The following EXOC4 variants were observed in gnomAD, a reference collection of about 807,000 sequenced individuals.
The protein encoded by EXOC4 is exocyst complex component 4.
Under a neutral mutation model 107.2 loss-of-function variants are expected in EXOC4, and 71 were observed. The observed-to-expected ratio is 0.66, with a 90% CI of 0.55 to 0.81. EXOC4 has a LOEUF of 0.81. Among genes scored for constraint, EXOC4 ranks in the 30% least tolerant of loss-of-function variants. EXOC4 has a pLI of 0.00. For missense variants in EXOC4, 1,108 were observed against 1,189.6 expected (o/e 0.93, Z 1.01); for synonymous variants, 456 against 441.2 (o/e 1.03, Z -0.42).
intron 10 of EXOC4, among the ~76,000 whole-genome samples, chr7:133,654,599 T>C (rs188354776): frequency 6.6e-6 from 1 of 152,244 alleles, no homozygotes; most frequent in East Asian, 1.9e-4. Context: ...GGTATGGTTG[T>C]ATTATCTGCT....
At chr7:133,363,623 AAAAAAAC>A (rs1351584021) in intron 6 of EXOC4, among the ~76,000 whole-genome samples, 1 of 151,930 alleles carries the variant, frequency 6.6e-6, no homozygotes, top group Non-Finnish European at 1.5e-5. Context: ...AAAAAAAAAA[AAAAAAAC>A]CTACTCTCGA....
At chr7:133,861,353 T>G (rs561382449) in intron 11 of EXOC4, among the ~76,000 whole-genome samples, 2 of 152,266 alleles carry the variant, frequency 1.3e-5, no homozygotes, top group African/African-American at 4.8e-5. Context: ...ACCAAACCCC[T>G]GTGACATGCA....
intron 9 of EXOC4, among the ~76,000 whole-genome samples, chr7:133,571,859 A>G (rs1801030758): frequency 6.6e-6 from 1 of 152,190 alleles, no homozygotes; most frequent in South Asian, 2.1e-4. Flanking sequence ...GAAAGCTGCA[A>G]TAATTTTGTT....
intron 14 of EXOC4, among the ~76,000 whole-genome samples, chr7:133,956,892 T>C: frequency 6.6e-6 from 1 of 152,220 alleles, no homozygotes; most frequent in Middle Eastern, 3.2e-3. Context: ...AAAAAAGATA[T>C]TTATAATTAA....
At chr7:134,069,546 G>A (rs1349643480), downstream of EXOC4, among the ~76,000 whole-genome samples, 1 of 152,048 alleles carries the variant, frequency 6.6e-6, no homozygotes, top group Admixed American at 6.6e-5. Flanking sequence ...TGCCCCGGCT[G>A]GAGTGCATTG....
At chr7:133,426,827 A>AT (rs955037216) in intron 7 of EXOC4, among the ~76,000 whole-genome samples, 2 of 152,224 alleles carry the variant, frequency 1.3e-5, no homozygotes, top group East Asian at 3.8e-4. Context: ...GATCTTTTTC[A>AT]TGAACATCTT....
intron 7 of EXOC4, among the ~76,000 whole-genome samples, chr7:133,426,373 T>G (rs1334767527): frequency 6.6e-6 from 1 of 152,228 alleles, no homozygotes; most frequent in Non-Finnish European, 1.5e-5. Context: ...AAGGAAGAGT[T>G]AAACACTTAT....
intron 5 of EXOC4, among the ~76,000 whole-genome samples, chr7:133,322,221 T>A (rs1307714917): frequency 2.0e-5 from 3 of 152,206 alleles, no homozygotes; most frequent in Non-Finnish European, 4.4e-5. Flanking sequence ...CTCTTTAGTT[T>A]AATTAGATCC....
intron 9 of EXOC4, among the ~76,000 whole-genome samples, chr7:133,597,875 G>A (rs926673814): frequency 1.3e-5 from 2 of 151,904 alleles, no homozygotes; most frequent in African/African-American, 2.4e-5. Context: ...AGCCAGGCAT[G>A]TTGGCGGCGG....
At chr7:133,835,150 A>G (rs917401072) in intron 11 of EXOC4, among the ~76,000 whole-genome samples, 1 of 152,186 alleles carries the variant, frequency 6.6e-6, no homozygotes, top group Admixed American at 6.5e-5. Context: ...GCAGTGTGAA[A>G]ATGAACTAAT....
At chr7:134,035,205 C>G (rs1334966248) in intron 17 of EXOC4, among the ~76,000 whole-genome samples, 1 of 151,912 alleles carries the variant, frequency 6.6e-6, no homozygotes, top group Non-Finnish European at 1.5e-5. Flanking sequence ...GCCACCATGC[C>G]TGGCTAATTT....
intron 7 of EXOC4, among the ~76,000 whole-genome samples, chr7:133,378,997 A>G (rs760046292): frequency 2.6e-5 from 4 of 152,140 alleles, no homozygotes; most frequent in Non-Finnish European, 5.9e-5. Context: ...ATGATATTTT[A>G]TTACTTTAAA....
chr7:133,307,021 A>G (rs1055626014), intron 4 of EXOC4, among the ~76,000 whole-genome samples: 1 of 152,202 alleles, frequency 6.6e-6, no homozygotes, highest in Non-Finnish European at 1.5e-5. Flanking sequence ...TTTAGAATAG[A>G]CAGATCTTTT....
chr7:133,624,992 G>C (rs2151010064), intron 9 of EXOC4, among the ~76,000 whole-genome samples: 1 of 151,926 alleles, frequency 6.6e-6, no homozygotes, highest in African/African-American at 2.4e-5. Flanking sequence ...TAAGACTAGA[G>C]AAAGTTCTTT....
In EXOC4 at chr7:133,253,115, C is replaced by G. The variant is rs145271795; in HGVS notation, c.14C>G (p.Ala5Gly). The part of the protein sequence containing the change: MAAE[A>G]AGGKYRSTVS... ...CCCGCGTCCAAGATGGCGGCAGAAG[C>G]AGCTGGTGGGAAATACAGAAGCACA... Residue 5 changes from alanine to glycine, a missense_variant, in exon 1 of 18, where the codon GCA becomes GGA. Physicochemically the swap from Ala to Gly is moderately conservative, Grantham distance 60. Coordinates refer to ENST00000253861, the MANE Select transcript of EXOC4 (RefSeq NM_021807.4). 335 of 1,614,160 alleles carry G rather than the reference C, an allele frequency of 2.1e-4. 1 individual carries two copies. In the African/African-American group the frequency reaches 4.1e-3, roughly 20 times the overall value.
intron 2 of EXOC4, among the ~76,000 whole-genome samples, chr7:133,284,562 C>T (rs920703613): frequency 5.9e-5 from 9 of 152,182 alleles, no homozygotes; most frequent in Admixed American, 3.3e-4. Flanking sequence ...GACGGAGTGT[C>T]GCTCTGTCGC....
At chr7:133,693,646 C>CA (rs1794469244) in intron 10 of EXOC4, among the ~76,000 whole-genome samples, 1 of 152,142 alleles carries the variant, frequency 6.6e-6, no homozygotes, top group South Asian at 2.1e-4. Flanking sequence ...TCTTGATAAT[C>CA]ACATGGATTT....
At chr7:134,007,974 G>T in intron 17 of EXOC4, 139 bp downstream of exon 17, 1 of 723,420 alleles carries the variant, frequency 1.4e-6, no homozygotes, top group Admixed American at 3.5e-5. Flanking sequence ...ATGTTTTTAG[G>T]TCCTATAGAG....
chr7:133,302,194 T>G (rs1454460913), intron 3 of EXOC4, among the ~76,000 whole-genome samples: 1 of 152,228 alleles, frequency 6.6e-6, no homozygotes, highest in African/African-American at 2.4e-5. Flanking sequence ...GATAGGTTTC[T>G]AATAGCAAAA....
Sources: allele counts gnomAD v4.1 joint callset (sites outside exome capture counted in the v4.1 genomes callset), GRCh38; gene constraint gnomAD v4.1.1; transcripts MANE v1.5; gene names NCBI Gene and HGNC (gene_info 2026-07-23, HGNC 2026-07-21).